The following TCF4 variants were observed in gnomAD, a reference collection of about 807,000 sequenced individuals.
TCF4 encodes transcription factor 4, also known as SL3-3 enhancer factor 2.
In TCF4, 3 loss-of-function variants were observed where a neutral mutation model predicts 82.1. The ratio of observed to expected loss-of-function variants is 0.04; its 90% CI spans 0.02 to 0.09. The LOEUF is 0.09. TCF4 is among the 10% of genes least tolerant of loss of function. TCF4 has a pLI of 1.00. For missense variants in TCF4, 518 were observed against 852.7 expected (o/e 0.61, Z 4.89); for synonymous variants, 276 against 309.6 (o/e 0.89, Z 1.14).
chr18:55,585,621 C>T, intron 2 of TCF4: 1 of 559,424 alleles, frequency 1.8e-6, no homozygotes, highest in South Asian at 3.0e-5. Context: ...AACACAGTCC[C>T]CATAATGTTA....
chr18:55,584,522 G>A (rs566573949), intron 3 of TCF4, among the ~76,000 whole-genome samples: 1 of 114,764 alleles, frequency 8.7e-6, no homozygotes, highest in South Asian at 2.6e-4. Context: ...CTTTTAATAA[G>A]AGATATTCGA....
chr18:55,592,681 G>A (rs936714766), upstream of TCF4, among the ~76,000 whole-genome samples: 3 of 152,132 alleles, frequency 2.0e-5, no homozygotes, highest in Non-Finnish European at 4.4e-5. Flanking sequence ...TTGGACCCCA[G>A]GAGCGAAGAG....
chr18:55,330,613 T>A (rs2077386672), intron 8 of TCF4, among the ~76,000 whole-genome samples: 1 of 152,332 alleles, frequency 6.6e-6, no homozygotes, highest in Admixed American at 6.5e-5. Flanking sequence ...GTCACCAGGC[T>A]GGAGTGCAGT....
At chr18:55,350,337 A>G in intron 8 of TCF4, 22 bp downstream of exon 8, 1 of 1,612,114 alleles carries the variant, frequency 6.2e-7, no homozygotes, top group Non-Finnish European at 8.5e-7. Context: ...CAATATACAA[A>G]GCAGAAACAA....
chr18:55,233,963 T>C (rs568864133), intron 16 of TCF4, among the ~76,000 whole-genome samples: 1 of 152,220 alleles, frequency 6.6e-6, no homozygotes, highest in South Asian at 2.1e-4. Flanking sequence ...AATGTTATCA[T>C]TTTTATATTA....
At chr18:55,322,944 A>G (rs945097001) in intron 8 of TCF4, among the ~76,000 whole-genome samples, 1 of 152,114 alleles carries the variant, frequency 6.6e-6, no homozygotes, top group African/African-American at 2.4e-5. Context: ...CAAACATCTC[A>G]TGCACATTTT....
intron 3 of TCF4, among the ~76,000 whole-genome samples, chr18:55,470,516 C>T (rs1182878510): frequency 2.6e-5 from 4 of 152,176 alleles, no homozygotes; most frequent in African/African-American, 9.7e-5. Context: ...ATGTGTAATA[C>T]ACAAATGACA....
intron 3 of TCF4, among the ~76,000 whole-genome samples, chr18:55,495,413 AACAT>A (rs2096624105): frequency 1.3e-5 from 2 of 152,154 alleles, no homozygotes; most frequent in Non-Finnish European, 2.9e-5. Flanking sequence ...TCTTGTCCTA[AACAT>A]ACATAGATGT....
chr18:55,427,614 T>C (rs1197861450), intron 5 of TCF4, among the ~76,000 whole-genome samples: 2 of 152,172 alleles, frequency 1.3e-5, no homozygotes, highest in African/African-American at 4.8e-5. Context: ...AGGAATAACA[T>C]CTACATCATG....
chr18:55,423,570 G>C (rs553076349), intron 5 of TCF4: 1 of 152,140 alleles, frequency 6.6e-6, no homozygotes, highest in Non-Finnish European at 1.5e-5. Context: ...ACAAAACATA[G>C]CTCATCCTCT....
At chr18:55,496,249 C>T (rs1013041423) in intron 3 of TCF4, 2 of 152,126 alleles carry the variant, frequency 1.3e-5, no homozygotes, top group African/African-American at 4.8e-5. Context: ...ATAATTGTTA[C>T]AAATTGTGCC....
chr18:55,339,280 T>C (rs1418568330), intron 8 of TCF4, among the ~76,000 whole-genome samples: 2 of 152,138 alleles, frequency 1.3e-5, no homozygotes, highest in Non-Finnish European at 2.9e-5. Context: ...ATCAGAATCA[T>C]AAATGAACTG....
At chr18:55,444,327 T>A (rs554924755) in intron 5 of TCF4, among the ~76,000 whole-genome samples, 1 of 152,264 alleles carries the variant, frequency 6.6e-6, no homozygotes, top group Non-Finnish European at 1.5e-5. Context: ...TGAGAGCAGA[T>A]CCACTATTGA....
chr18:55,447,938 G>C (rs943460421), intron 5 of TCF4, among the ~76,000 whole-genome samples: 1 of 141,906 alleles, frequency 7.0e-6, no homozygotes, highest in African/African-American at 2.6e-5. Flanking sequence ...AAAGGCTTTC[G>C]CTCTGAATAT....
At chr18:55,436,580 C>A (rs760630760) in intron 5 of TCF4, among the ~76,000 whole-genome samples, 59 of 152,014 alleles carry the variant, frequency 3.9e-4, no homozygotes, top group Non-Finnish European at 6.5e-4. Context: ...ACAAAAGAAG[C>A]AAAATGAAAG....
intron 6 of TCF4, chr18:55,401,463 A>G (rs1381817576): frequency 6.7e-5 from 67 of 999,122 alleles, no homozygotes; most frequent in Non-Finnish European, 7.4e-5. Flanking sequence ...GCTATATACA[A>G]AAGAATTTTC....
chr18:55,497,932 AAATT>A (rs1568232323), intron 3 of TCF4, among the ~76,000 whole-genome samples: 1 of 152,234 alleles, frequency 6.6e-6, no homozygotes, highest in Admixed American at 6.5e-5. Flanking sequence ...AATGAACACA[AAATT>A]AATTCATCAC....
chr18:55,282,606 A>G (rs1310257012), intron 8 of TCF4, among the ~76,000 whole-genome samples: 4 of 152,140 alleles, frequency 2.6e-5, no homozygotes, highest in African/African-American at 4.8e-5. Context: ...CTAAGTATAT[A>G]GAAAGTTTAA....
chr18:55,344,523 G>T (rs2080738619), intron 8 of TCF4, among the ~76,000 whole-genome samples: 1 of 152,106 alleles, frequency 6.6e-6, no homozygotes, highest in Non-Finnish European at 1.5e-5. Context: ...CAGTGAAAAT[G>T]ATAAAGTTCA....
Sources: allele counts gnomAD v4.1 joint callset (sites outside exome capture counted in the v4.1 genomes callset), GRCh38; gene constraint gnomAD v4.1.1; transcripts MANE v1.5; gene names NCBI Gene and HGNC (gene_info 2026-07-23, HGNC 2026-07-21).